The following HS3ST1 variants were observed in gnomAD, a reference collection of about 807,000 sequenced individuals.
The protein encoded by HS3ST1 is heparan sulfate glucosamine 3-O-sulfotransferase 1.
HS3ST1 carries 8 observed loss-of-function variants against 20.7 expected under a neutral mutation model. The ratio of observed to expected loss-of-function variants is 0.39; its 90% CI spans 0.23 to 0.70. The LOEUF is 0.70. HS3ST1 is among the 30% of genes least tolerant of loss of function. The probability of loss-of-function intolerance (pLI) is 0.46; values close to 1 mark genes in which losing one functional copy is unlikely to be tolerated. For synonymous variants in HS3ST1, 205 were observed against 190.4 expected (o/e 1.08, Z -0.63); for missense variants, 436 against 423.4 (o/e 1.03, Z -0.26).
chr4:11,400,248 C>T (rs898684634), intron 1 of HS3ST1, 135 bp from the exon 2 acceptor site: 7 of 668,996 alleles, frequency 1.0e-5, no homozygotes, highest in African/African-American at 9.4e-5. Flanking sequence ...ATACAGGAGC[C>T]GATGGCAAAC....
chr4:11,423,792 C>G (rs980863442), intron 1 of HS3ST1, among the ~76,000 whole-genome samples: 1 of 152,138 alleles, frequency 6.6e-6, no homozygotes, highest in Admixed American at 6.5e-5. Context: ...TGTCTGTGCT[C>G]CATGTCCCTA....
chr4:11,423,049 A>AAAAAAAG (rs1560237599), intron 1 of HS3ST1, among the ~76,000 whole-genome samples: 1 of 149,488 alleles, frequency 6.7e-6, no homozygotes, highest in Admixed American at 6.7e-5. Context: ...AAAAAAAAAA[A>AAAAAAAG]GTGCTGAACG....
intron 1 of HS3ST1, among the ~76,000 whole-genome samples, chr4:11,426,995 C>T (rs1719076808): frequency 6.6e-6 from 1 of 152,128 alleles, no homozygotes; most frequent in South Asian, 2.1e-4. Flanking sequence ...CAGTGTTACC[C>T]AATATTACCA....
rs1331745041 is a variant in HS3ST1 at position 11,420,920 on chromosome 4, G to C, written c.-109+7779C>G. ...AGAACTTTCAGAAAAGAATCGTTCA[G>C]AACTGCTACCAGGAGAATAGGGATG... On this transcript the variant is annotated intron_variant, in intron 1 of 1. Coordinates refer to ENST00000002596, the MANE Select transcript of HS3ST1 (RefSeq NM_005114.4). Among the ~76,000 whole-genome samples the C allele has an allele frequency of 5.3e-5, 8 of 152,280 alleles. No individual in the cohort carries two copies. In the East Asian group the frequency reaches 1.4e-3, roughly 26 times the overall value.
chr4:11,408,446 G>A (rs1044915928), intron 1 of HS3ST1, among the ~76,000 whole-genome samples: 1 of 152,170 alleles, frequency 6.6e-6, no homozygotes, highest in Non-Finnish European at 1.5e-5. Context: ...CCAGACAGAA[G>A]CTCAAAGAAG....
intron 1 of HS3ST1, among the ~76,000 whole-genome samples, chr4:11,426,401 T>C (rs1485817299): frequency 1.4e-5 from 2 of 138,358 alleles, no homozygotes; most frequent in Non-Finnish European, 3.1e-5. Context: ...TCCAGTAAAA[T>C]AATTTCTTAT....
rs140388092 is a variant in HS3ST1 at position 11,401,421 on chromosome 4, C to T, written c.-108-1308G>A. ...GTGCAATGGTGTGATCTCAGCTCAC[C>T]GCAACCTCCGCCTCCCCGGTTCAAG... On this transcript the variant is annotated intron_variant, in intron 1 of 1. Transcript: ENST00000002596. Among the ~76,000 whole-genome samples the T allele has an allele frequency of 7.1e-3, 1,071 of 151,606 alleles. 8 individuals carry two copies. The highest frequency in any genetic ancestry group is 9.2e-3 in the Non-Finnish European group (622 of 67,924).
chr4:11,403,406 C>T (rs1399453227), intron 1 of HS3ST1, among the ~76,000 whole-genome samples: 1 of 152,138 alleles, frequency 6.6e-6, no homozygotes, highest in Non-Finnish European at 1.5e-5. Flanking sequence ...TAAGCCATTC[C>T]TGTGTGCCAC....
At chr4:11,402,025 G>T (rs578187579) in intron 1 of HS3ST1, among the ~76,000 whole-genome samples, 2 of 152,174 alleles carry the variant, frequency 1.3e-5, no homozygotes, top group Non-Finnish European at 2.9e-5. Flanking sequence ...GGGACTGAGG[G>T]ATTTACAAAG....
upstream of HS3ST1, among the ~76,000 whole-genome samples, chr4:11,431,053 G>A (rs1719195095): frequency 6.6e-6 from 1 of 152,080 alleles, no homozygotes; most frequent in African/African-American, 2.4e-5. Context: ...TAGTGCCAGA[G>A]CTTAGCTCTC....
Position 11,399,826 on chromosome 4 carries a change from G to A in HS3ST1, c.180C>T (p.Ile60=), listed in dbSNP as rs768149212. The part of the protein sequence containing the change: ...SAQQLPQTII[I]GVRKGGTRAL... Reference sequence around the variant, plus strand: ...CGCGCGTGCCGCCCTTGCGCACGCCGATGATGATGGTCTGCGGCAACTGCT... The same window carrying A: ...CGCGCGTGCCGCCCTTGCGCACGCCAATGATGATGGTCTGCGGCAACTGCT... Residue 60 remains isoleucine, a synonymous_variant, in exon 2 of 2, where the codon ATC becomes ATT. Coordinates refer to ENST00000002596, the MANE Select transcript of HS3ST1 (RefSeq NM_005114.4). The surrounding 1 kb of genome is among the most constrained non-coding windows in gnomAD (Gnocchi z 5.1). The A allele has an allele frequency of 5.6e-6, 9 of 1,612,760 alleles. No homozygotes were observed. Among genetic ancestry groups the A allele is most frequent in the Non-Finnish European group, 5.9e-6 (7 of 1,179,778 alleles).
chr4:11,427,926 C>G (rs886726096), intron 1 of HS3ST1, among the ~76,000 whole-genome samples: 33 of 152,186 alleles, frequency 2.2e-4, no homozygotes, highest in African/African-American at 8.0e-4. Flanking sequence ...GCTGGTAGAG[C>G]GCACCTGGAG....
At position 11,399,093 on chromosome 4, in the gene HS3ST1, C is replaced by G; in HGVS notation, c.913G>C (p.Asp305His). Residue 305 changes from aspartate (D) to histidine (H), a missense_variant, in exon 2 of 2, where the codon GAC becomes CAC. Physicochemically the swap from Asp to His is moderately conservative, Grantham distance 81 (BLOSUM62 -1). Coordinates refer to ENST00000002596, the MANE Select transcript of HS3ST1 (RefSeq NM_005114.4). This position sits in a 1 kb window ranked among gnomAD's most constrained non-coding sequence, Gnocchi z 5.1. ...KFFELVGRTF[D>H]WH Reference sequence around the variant, plus strand: ...TAGCTTATTGCAAATCAGTGCCAGTCAAATGTTCTGCCAACAAGCTCGAAG... The same window carrying G: ...TAGCTTATTGCAAATCAGTGCCAGTGAAATGTTCTGCCAACAAGCTCGAAG... 2 of 1,611,080 alleles carry G rather than the reference C, an allele frequency of 1.2e-6. No individual in the cohort carries two copies. Among genetic ancestry groups the G allele is most frequent in the Non-Finnish European group, 1.7e-6 (2 of 1,177,614 alleles).
At chr4:11,417,022 G>C (rs1471762515) in intron 1 of HS3ST1, among the ~76,000 whole-genome samples, 1 of 152,124 alleles carries the variant, frequency 6.6e-6, no homozygotes, top group Non-Finnish European at 1.5e-5. Flanking sequence ...ACAAAGGGTG[G>C]TCCTGAGGTC....
At chr4:11,415,033 A>C (rs554966331) in intron 1 of HS3ST1, among the ~76,000 whole-genome samples, 1 of 152,234 alleles carries the variant, frequency 6.6e-6, no homozygotes. Context: ...ATCCAATGAG[A>C]TGAAAGAAAC....
At chr4:11,432,337 T>C (rs189795642), upstream of HS3ST1, among the ~76,000 whole-genome samples, 5 of 152,332 alleles carry the variant, frequency 3.3e-5, no homozygotes, top group Non-Finnish European at 7.3e-5. Flanking sequence ...ATAGCATGAA[T>C]ATTAAAGACT....
chr4:11,410,144 A>G (rs1020396870), intron 1 of HS3ST1, among the ~76,000 whole-genome samples: 1 of 152,216 alleles, frequency 6.6e-6, no homozygotes, highest in Non-Finnish European at 1.5e-5. Context: ...CTCTTACAAG[A>G]CATCTACGAT....
rs1345948850 is a variant in HS3ST1 at position 11,393,165 on chromosome 4, A to G, written c.*5917T>C. The G allele has an allele frequency of 6.6e-6, 1 of 152,240 alleles. No individual in the cohort carries two copies. The highest frequency in any genetic ancestry group is 1.5e-5 in the Non-Finnish European group (1 of 68,042). The allele number at this position is 152,240 out of a possible 1,614,324, so 9.4% of individuals were successfully genotyped here. A position where few individuals can be genotyped will look rare whatever the true frequency, so the allele number is the denominator to read the frequency against. Reference sequence around the variant, plus strand: ...CATCCATGTATTAGTTCTAAGTGGAATATTTATCAAACAATAGAAATACAA... The same window carrying G: ...CATCCATGTATTAGTTCTAAGTGGAGTATTTATCAAACAATAGAAATACAA... On this transcript the variant is annotated 3_prime_UTR_variant, in exon 2 of 2. Coordinates refer to ENST00000002596, the MANE Select transcript of HS3ST1 (RefSeq NM_005114.4).
intron 1 of HS3ST1, among the ~76,000 whole-genome samples, chr4:11,404,978 C>A (rs1450901441): frequency 1.3e-5 from 2 of 152,234 alleles, no homozygotes; most frequent in African/African-American, 4.8e-5. Flanking sequence ...TGAAAGGATT[C>A]AAACTCAGTC....
Sources: gnomAD v4.1 joint callset for allele counts (sites outside exome capture counted in the v4.1 genomes callset) on GRCh38, gnomAD v4.1.1 for gene constraint, Gnocchi (gnomAD v3.1) non-coding constraint, MANE v1.5 for transcripts, NCBI Gene and HGNC (gene_info 2026-07-23, HGNC 2026-07-21) for gene names.